Variants in CWC22 observed in about 807,000 individuals in gnomAD.
The protein encoded by CWC22 is CWC22 spliceosome associated protein.
In CWC22, 53 loss-of-function variants were observed where a neutral mutation model predicts 117.2. The ratio of observed to expected loss-of-function variants is 0.45; its 90% CI spans 0.36 to 0.57. CWC22 has a LOEUF of 0.57. Among genes scored for constraint, CWC22 ranks in the 20% least tolerant of loss-of-function variants. The probability of loss-of-function intolerance (pLI) is 0.00; values close to 1 mark genes in which losing one functional copy is unlikely to be tolerated. For synonymous variants in CWC22, 360 were observed against 355.6 expected (o/e 1.01, Z -0.14); for missense variants, 980 against 1,068.8 (o/e 0.92, Z 1.16).
intron 5 of CWC22, among the ~76,000 whole-genome samples, chr2:179,978,671 T>A (rs765064112): frequency 1.4e-4 from 21 of 152,116 alleles, no homozygotes; most frequent in African/African-American, 5.1e-4. Flanking sequence ...TTGTCTTTAA[T>A]GGAAACCTTT....
At chr2:179,978,896 C>CT (rs1236405619) in intron 5 of CWC22, among the ~76,000 whole-genome samples, 1 of 152,164 alleles carries the variant, frequency 6.6e-6, no homozygotes, top group East Asian at 1.9e-4. Context: ...AAGACAATCT[C>CT]TATGTTGATG....
chr2:179,950,765 T>C (rs751118543), intron 18 of CWC22, 33 bp from the exon 19 acceptor site: 6 of 1,604,674 alleles, frequency 3.7e-6, no homozygotes, highest in Non-Finnish European at 5.1e-6. Flanking sequence ...AGATTCTATT[T>C]CAAAGACAAT....
At chr2:179,963,335 CTTTTTTTTT>C (rs774947016) in intron 13 of CWC22, among the ~76,000 whole-genome samples, 13 of 82,056 alleles carry the variant, frequency 1.6e-4, no homozygotes, top group Non-Finnish European at 2.2e-4. Context: ...ATATTTAATA[CTTTTTTTTT>C]TTTTTTTTTT....
chr2:179,973,232 A>T lies in CWC22; in HGVS notation c.765T>A (p.Thr255=), dbSNP rs752873284. The T allele has an allele frequency of 6.2e-7, 1 of 1,600,310 alleles. No individual in the cohort carries two copies. The highest frequency in any genetic ancestry group is 2.2e-5 in the East Asian group (1 of 44,586). Residue 255 remains threonine, a synonymous_variant, in exon 8 of 20, where the codon ACT becomes ACA. Transcript: ENST00000410053. ...YRRNDKQLCL[T]ASKFVAHLIN... ...TAAGATGCGCCACAAATTTTGAAGCAGTCAGGCAAAGTTGCTGAAAAATAA... is the reference window on the plus strand; with the variant it reads ...TAAGATGCGCCACAAATTTTGAAGCTGTCAGGCAAAGTTGCTGAAAAATAA...
At chr2:179,985,583 T>G (rs2105545847) in intron 4 of CWC22, among the ~76,000 whole-genome samples, 1 of 152,188 alleles carries the variant, frequency 6.6e-6, no homozygotes, top group East Asian at 1.9e-4. Flanking sequence ...TAGTCACCCC[T>G]TATCTGTGGT....
chr2:179,945,681 G>A lies in CWC22; in HGVS notation c.2175C>T (p.Thr725=). ...TCAATTTATCTACCTCTTTACTTCT[G>A]GTCTTCCCATGTCCCTTCTTTCTTA... is the stretch of plus-strand genomic sequence containing the variant. ...NDVRKKGHGK[T]RSKEVDKLIR... The change falls in exon 20 of 20, where the codon ACC becomes ACT. Residue 725 remains threonine, a synonymous_variant. Coordinates refer to ENST00000410053, the MANE Select transcript of CWC22 (RefSeq NM_020943.3). 2 of 1,605,502 alleles carry A rather than the reference G, an allele frequency of 1.2e-6. No individual in the cohort carries two copies. The highest frequency in any genetic ancestry group is 1.7e-6 in the Non-Finnish European group (2 of 1,178,122).
chr2:179,955,240 T>C (rs1225862572), intron 14 of CWC22, among the ~76,000 whole-genome samples: 1 of 152,062 alleles, frequency 6.6e-6, no homozygotes, highest in African/African-American at 2.4e-5. Context: ...TCCACAGTCA[T>C]TTATGCTAAT....
At chr2:179,983,863 C>A (rs1419583148) in intron 4 of CWC22, among the ~76,000 whole-genome samples, 1 of 152,096 alleles carries the variant, frequency 6.6e-6, no homozygotes, top group Non-Finnish European at 1.5e-5. Flanking sequence ...AGAGTAGCTA[C>A]AGCAGGGATT....
At chr2:179,977,900 G>A (rs7586103) in intron 6 of CWC22, among the ~76,000 whole-genome samples, 100,188 of 151,928 alleles carry the variant, frequency 0.66, 33,484 homozygotes, top group Middle Eastern at 0.73. Context: ...TTTAACATTC[G>A]TTATTCCTCA....
chr2:179,967,123 T>G (rs1686910422), intron 11 of CWC22, among the ~76,000 whole-genome samples: 1 of 152,240 alleles, frequency 6.6e-6, no homozygotes. Context: ...CAGGCATTCC[T>G]GCTGTTTTCC....
At chr2:179,985,686 C>T (rs946123884) in intron 4 of CWC22, among the ~76,000 whole-genome samples, 1 of 152,062 alleles carries the variant, frequency 6.6e-6, no homozygotes, top group African/African-American at 2.4e-5. Flanking sequence ...AGGCAGACCA[C>T]ATTCGATAAC....
intron 6 of CWC22, among the ~76,000 whole-genome samples, chr2:179,974,179 G>C (rs553075810): frequency 1.3e-5 from 2 of 151,982 alleles, no homozygotes; most frequent in East Asian, 3.9e-4. Context: ...AAGTATAAAA[G>C]GTAGATAACA....
Position 179,981,944 on chromosome 2 carries a change from CT to C in CWC22, c.259del (p.Arg87GlyfsTer17). 6.4e-7 allele frequency: 1 copy of C among 1,565,928 alleles called. No individual in the cohort carries two copies. The highest frequency in any genetic ancestry group is 1.2e-5 in the South Asian group (1 of 85,654). ...CCCAGGAGATGGGGATTTCCGAGAC[CT>C]TTTCCGATCCGTATCTCTTTCTCTT... ...RERERDTDRK[R>X]SRKSPSPGRR... On this transcript the variant is annotated frameshift_variant, in exon 5 of 20. Transcript: ENST00000410053. LOFTEE classifies it high-confidence loss of function.
intron 19 of CWC22, among the ~76,000 whole-genome samples, chr2:179,948,001 A>G (rs566289505): frequency 6.6e-6 from 1 of 152,374 alleles, no homozygotes; most frequent in Non-Finnish European, 1.5e-5. Context: ...AGATCTTTTC[A>G]GAAACTGTGA....
chr2:179,962,234 T>G (rs1027592023), intron 13 of CWC22, among the ~76,000 whole-genome samples: 1 of 152,140 alleles, frequency 6.6e-6, no homozygotes, highest in African/African-American at 2.4e-5. Context: ...GTGAGATTAG[T>G]CAACAAAAAC....
intron 6 of CWC22, among the ~76,000 whole-genome samples, chr2:179,977,726 AC>A (rs961173586): frequency 1.3e-5 from 2 of 152,220 alleles, no homozygotes; most frequent in African/African-American, 4.8e-5. Flanking sequence ...TGTTCTCACC[AC>A]AAAAAATGAC....
chr2:179,945,304 C>G lies in CWC22; in HGVS notation c.2552G>C (p.Arg851Thr). 7 of 1,613,380 alleles carry G rather than the reference C, an allele frequency of 4.3e-6. No individual in the cohort carries two copies. Among genetic ancestry groups the G allele is most frequent in the East Asian group, 2.2e-5 (1 of 44,858 alleles). Residue 851 changes from arginine to threonine, a missense_variant, in exon 20 of 20, where the codon AGA (arginine) becomes ACA (threonine). Physicochemically the swap from Arg to Thr is moderately conservative, Grantham distance 71. Coordinates refer to ENST00000410053, the MANE Select transcript of CWC22 (RefSeq NM_020943.3). ...TCTATTCATTTCCTTTGACTTTGATCTATCTTTTCTTCTGAAATTTTCACT... is the reference window on the plus strand; with the variant it reads ...TCTATTCATTTCCTTTGACTTTGATGTATCTTTTCTTCTGAAATTTTCACT... ...KDSENFRRKD[R>T]SKSKEMNRKH...
intron 1 of CWC22, among the ~76,000 whole-genome samples, chr2:180,003,330 C>T (rs186073877): frequency 1.3e-5 from 2 of 152,176 alleles, no homozygotes; most frequent in Admixed American, 1.3e-4. Flanking sequence ...CCTGAAGGTG[C>T]AGTTCTTTTA....
intron 8 of CWC22, among the ~76,000 whole-genome samples, chr2:179,972,503 A>C (rs535168385): frequency 3.7e-4 from 57 of 152,314 alleles, no homozygotes; most frequent in Non-Finnish European, 5.4e-4. Flanking sequence ...CAAGGAATAG[A>C]GGTTTTTGTA....
Sources: gnomAD v4.1 joint callset for allele counts (sites outside exome capture counted in the v4.1 genomes callset) on GRCh38, gnomAD v4.1.1 for gene constraint, MANE v1.5 for transcripts, NCBI Gene and HGNC (gene_info 2026-07-23, HGNC 2026-07-21) for gene names.